The following ITPR1 variants were observed in gnomAD, a reference collection of about 807,000 sequenced individuals.
ITPR1 encodes the protein inositol 1,4,5-trisphosphate receptor type 1.
Under a neutral mutation model 318.4 loss-of-function variants are expected in ITPR1, and 96 were observed. The ratio of observed to expected loss-of-function variants is 0.30; its 90% CI spans 0.26 to 0.36. The LOEUF is 0.36. ITPR1 is among the 10% of genes least tolerant of loss of function. ITPR1 has a pLI of 1.00. For synonymous variants in ITPR1, 1,312 were observed against 1,289.9 expected, an observed-to-expected ratio of 1.02 and a Z score of -0.37; for missense variants, 2,440 against 3,460.2, an observed-to-expected ratio of 0.71 and a Z score of 7.40.
intron 13 of ITPR1, 88 bp downstream of exon 13, chr3:4,658,366 C>T (rs2093759445): frequency 1.8e-6 from 2 of 1,127,954 alleles, no homozygotes; most frequent in South Asian, 3.3e-5. Context: ...TCGTTACTGC[C>T]TTTTCTTTTA....
chr3:4,667,767 G>T (rs2093983203), intron 18 of ITPR1, among the ~76,000 whole-genome samples: 1 of 152,104 alleles, frequency 6.6e-6, no homozygotes, highest in Non-Finnish European at 1.5e-5. Flanking sequence ...GGATGAGCTT[G>T]GGTTTTTTCC....
At chr3:4,685,863 G>C (rs1160238716) in intron 30 of ITPR1, among the ~76,000 whole-genome samples, 2 of 152,186 alleles carry the variant, frequency 1.3e-5, no homozygotes. Context: ...TCGGGTATTT[G>C]TGTTGTGCCC....
chr3:4,589,607 TCA>T (rs1209572725), intron 4 of ITPR1, among the ~76,000 whole-genome samples: 1 of 152,084 alleles, frequency 6.6e-6, no homozygotes, highest in Non-Finnish European at 1.5e-5. Context: ...TCCTGATGGC[TCA>T]CAGTCTTTCT....
At chr3:4,657,955 G>T (rs1338519163) in intron 12 of ITPR1, among the ~76,000 whole-genome samples, 169 bp from the exon 13 acceptor site, 1 of 152,190 alleles carries the variant, frequency 6.6e-6, no homozygotes, top group East Asian at 1.9e-4. Context: ...ATCCCTGGCT[G>T]CATGGCCAGT....
chr3:4,537,893 T>C (rs1358237347), intron 4 of ITPR1, among the ~76,000 whole-genome samples: 1 of 152,230 alleles, frequency 6.6e-6, no homozygotes, highest in Admixed American at 6.5e-5. Flanking sequence ...GTCCTAATAT[T>C]GTTTATTTGT....
rs917419521 is a variant in ITPR1, at chr3:4,650,912, C to G, written c.856-1211C>G. Among the ~76,000 whole-genome samples the G allele has an allele frequency of 5.3e-5, 8 of 152,224 alleles. No homozygotes were observed. The South Asian group carries it at 8.3e-4, about 16-fold the overall frequency. On this transcript the variant is annotated intron_variant, in intron 10 of 61. Coordinates refer to ENST00000649015, the MANE Select transcript of ITPR1 (RefSeq NM_001378452.1). The stretch of plus-strand genomic sequence containing the variant: ...TACAAGTTTGTTGAGTATGTGGAGT[C>G]TGTTGTTCTTTAAAGAGTACTGAAT...
In ITPR1 at chr3:4,661,598, G is replaced by A. The variant is rs552329096; in HGVS notation, c.1252-484G>A. Among the ~76,000 whole-genome samples the A allele has an allele frequency of 6.2e-4, 95 of 152,314 alleles. 1 individual carries two copies. In the South Asian group the frequency reaches 0.019, roughly 31 times the overall value. ...CATGGGGGTTTTCTTTTAACAAGTGGAAGGATGCTCTCATGTAACTTTTCT... is the reference window on the plus strand; with the variant it reads ...CATGGGGGTTTTCTTTTAACAAGTGAAAGGATGCTCTCATGTAACTTTTCT... On this transcript the variant is annotated intron_variant, in intron 14 of 61. Coordinates refer to ENST00000649015, the MANE Select transcript of ITPR1 (RefSeq NM_001378452.1).
At chr3:4,599,856 G>C (rs2091133650) in intron 4 of ITPR1, among the ~76,000 whole-genome samples, 1 of 152,128 alleles carries the variant, frequency 6.6e-6, no homozygotes, top group Admixed American at 6.5e-5. Flanking sequence ...CCAATATGTA[G>C]GGTGTTGGAT....
intron 46 of ITPR1, among the ~76,000 whole-genome samples, chr3:4,771,770 A>G (rs540174353): frequency 6.6e-6 from 1 of 152,104 alleles, no homozygotes; most frequent in Non-Finnish European, 1.5e-5. Flanking sequence ...TAGCAACATA[A>G]TGTTTGAAGG....
rs968578584 is a variant in ITPR1, at chr3:4,836,679, G to GA, written c.8029-92dup. On this transcript the variant is annotated intron_variant, in intron 60 of 61. Transcript: ENST00000649015. ...AAGGAGATAACCTAATGAGAGTTAG[G>GA]AAACATGGCACGGTAAGCTGGCCTT... is the stretch of plus-strand genomic sequence containing the variant. 94 of 1,198,624 alleles carry GA rather than the reference G, an allele frequency of 7.8e-5. No homozygotes were observed. In the African/African-American group the frequency reaches 1.4e-3, roughly 17 times the overall value. The allele number at this position is 1,198,624 out of a possible 1,614,324, so 74.2% of individuals were successfully genotyped here.
At chr3:4,840,587 T>C (rs1559992602) in intron 61 of ITPR1, among the ~76,000 whole-genome samples, 1 of 152,230 alleles carries the variant, frequency 6.6e-6, no homozygotes, top group Non-Finnish European at 1.5e-5. Context: ...TTTGATTGTT[T>C]CGTTATGTAT....
intron 30 of ITPR1, among the ~76,000 whole-genome samples, chr3:4,686,067 G>A (rs975884017): frequency 6.6e-6 from 1 of 152,182 alleles, no homozygotes; most frequent in African/African-American, 2.4e-5. Flanking sequence ...ATTAGCTCAT[G>A]CCATCCTCAA....
At chr3:4,697,598 C>T (rs776654277) in intron 34 of ITPR1, among the ~76,000 whole-genome samples, 1 of 151,630 alleles carries the variant, frequency 6.6e-6, no homozygotes, top group Non-Finnish European at 1.5e-5. Flanking sequence ...ATTACAGGCA[C>T]CTGCCACCAT....
chr3:4,494,845 T>C (rs979263779), intron 2 of ITPR1, among the ~76,000 whole-genome samples: 3 of 152,252 alleles, frequency 2.0e-5, no homozygotes, highest in African/African-American at 7.2e-5. Context: ...GCATTTCATA[T>C]GCCAAAATGT....
At chr3:4,745,463 T>C (rs1478048717) in intron 44 of ITPR1, among the ~76,000 whole-genome samples, 1 of 152,184 alleles carries the variant, frequency 6.6e-6, no homozygotes, top group Non-Finnish European at 1.5e-5. Flanking sequence ...AGCATCATGG[T>C]TTCAGGTTAG....
chr3:4,748,789 C>T (rs1020639685), intron 44 of ITPR1, among the ~76,000 whole-genome samples: 2 of 152,208 alleles, frequency 1.3e-5, no homozygotes, highest in African/African-American at 4.8e-5. Flanking sequence ...AACACTCCCT[C>T]GGTTATCAGC....
chr3:4,547,089 T>A (rs746208143), intron 4 of ITPR1, among the ~76,000 whole-genome samples: 1 of 152,220 alleles, frequency 6.6e-6, no homozygotes, highest in African/African-American at 2.4e-5. Flanking sequence ...AAACTTTTAT[T>A]GAGTGTCTAC....
intron 2 of ITPR1, among the ~76,000 whole-genome samples, chr3:4,494,887 G>A (rs2080431575): frequency 1.3e-5 from 2 of 152,248 alleles, no homozygotes; most frequent in African/African-American, 2.4e-5. Flanking sequence ...TCTCCTTCAA[G>A]AAATAGTCAC....
chr3:4,493,948 AAAT>A (rs964108931), intron 1 of ITPR1, among the ~76,000 whole-genome samples: 2 of 142,674 alleles, frequency 1.4e-5, no homozygotes, highest in Non-Finnish European at 3.0e-5. Context: ...CTGCTCAAGG[AAAT>A]AATCTTTCTA....
Sources: allele counts gnomAD v4.1 joint callset (sites outside exome capture counted in the v4.1 genomes callset), GRCh38; gene constraint gnomAD v4.1.1; transcripts MANE v1.5; gene names NCBI Gene and HGNC (gene_info 2026-07-23, HGNC 2026-07-21).